Variants in ADAMTS12 observed in about 807,000 individuals in gnomAD.
ADAMTS12 encodes ADAM metallopeptidase with thrombospondin type 1 motif 12, also known as A disintegrin and metalloproteinase with thrombospondin motifs 12.
ADAMTS12 carries 118 observed loss-of-function variants against 167.8 expected under a neutral mutation model. The ratio of observed to expected loss-of-function variants is 0.70; its 90% CI spans 0.61 to 0.82. The LOEUF is 0.82. Ranked by LOEUF, ADAMTS12 falls within the 40% of genes least tolerant of loss-of-function variation. The pLI is 0.00. For synonymous variants in ADAMTS12, 704 were observed against 716.9 expected, an observed-to-expected ratio of 0.98 and a Z score of 0.29; for missense variants, 1,916 against 1,998.8, an observed-to-expected ratio of 0.96 and a Z score of 0.79.
chr5:33,711,933 T>A (rs143719562), intron 3 of ADAMTS12, among the ~76,000 whole-genome samples: 1 of 152,296 alleles, frequency 6.6e-6, no homozygotes, highest in African/African-American at 2.4e-5. Context: ...AGTATTTCCA[T>A]ATTTTCTGAG....
chr5:33,787,311 G>A (rs1746366654), intron 2 of ADAMTS12, among the ~76,000 whole-genome samples: 1 of 152,232 alleles, frequency 6.6e-6, no homozygotes, highest in South Asian at 2.1e-4. Flanking sequence ...CAGGTTTGTA[G>A]ATGGGAGAAC....
rs138011520 is a variant in ADAMTS12, at chr5:33,821,062, A to G, written c.489+60057T>C. Among the ~76,000 whole-genome samples the G allele has an allele frequency of 7.1e-3, 1,083 of 152,294 alleles. 12 individuals carry two copies. Among genetic ancestry groups the G allele is most frequent in the African/African-American group, 0.025 (1,045 of 41,564 alleles). ...TGGGTCGTGAAATAATTTGTACAAC[A>G]AACCTTCATGACACAAGTCTACCTG... On this transcript the variant is annotated intron_variant, in intron 2 of 23. Coordinates refer to ENST00000504830, the MANE Select transcript of ADAMTS12 (RefSeq NM_030955.4).
chr5:33,541,867 C>T (rs916097101), intron 22 of ADAMTS12, among the ~76,000 whole-genome samples: 3 of 152,136 alleles, frequency 2.0e-5, no homozygotes, highest in African/African-American at 7.2e-5. Context: ...ACAACCGGTA[C>T]CAGCCACTGC....
rs1579780434 is a variant in ADAMTS12, at chr5:33,634,635, T to A, written c.1888+2942A>T. Among the ~76,000 whole-genome samples, 3 of 152,266 alleles carry A rather than the reference T, an allele frequency of 2.0e-5. No individual in the cohort carries two copies. The East Asian group carries it at 5.8e-4, about 29-fold the overall frequency. The stretch of plus-strand genomic sequence containing the variant: ...CCCAAAATCAGTCATTACCAAGAGT[T>A]TGAAACCTTTGGCTAGTCTAAAATG... On this transcript the variant is annotated intron_variant, in intron 12 of 23. Coordinates refer to ENST00000504830, the MANE Select transcript of ADAMTS12 (RefSeq NM_030955.4).
intron 2 of ADAMTS12, among the ~76,000 whole-genome samples, chr5:33,806,109 T>C (rs1030429116): frequency 6.6e-6 from 1 of 152,238 alleles, no homozygotes; most frequent in African/African-American, 2.4e-5. Context: ...TATTCTTCCA[T>C]CTACTAGCTA....
chr5:33,666,265 G>A (rs1408496552), intron 5 of ADAMTS12, among the ~76,000 whole-genome samples: 1 of 152,196 alleles, frequency 6.6e-6, no homozygotes, highest in African/African-American at 2.4e-5. Context: ...ACCACCTGCC[G>A]ACATCATGTG....
intron 1 of ADAMTS12, chr5:33,891,431 G>C (rs1750847989): frequency 5.7e-6 from 2 of 351,324 alleles, no homozygotes; most frequent in East Asian, 9.7e-5. Context: ...AGCATTCAAA[G>C]AGGAGACAAA....
intron 3 of ADAMTS12, among the ~76,000 whole-genome samples, chr5:33,729,674 C>T (rs1031422151): frequency 3.3e-5 from 5 of 152,152 alleles, no homozygotes; most frequent in Non-Finnish European, 7.3e-5. Flanking sequence ...TGGGATGGTA[C>T]TCTGAAGGGT....
At chr5:33,754,998 A>C (rs1199274761) in intron 2 of ADAMTS12, among the ~76,000 whole-genome samples, 1 of 152,222 alleles carries the variant, frequency 6.6e-6, no homozygotes, top group African/African-American at 2.4e-5. Flanking sequence ...AAATCCTCAT[A>C]AATGTTTTAT....
chr5:33,671,103 C>T (rs560246042), intron 5 of ADAMTS12, among the ~76,000 whole-genome samples: 16 of 152,130 alleles, frequency 1.1e-4, no homozygotes, highest in African/African-American at 3.9e-4. Flanking sequence ...CTTGAAATGA[C>T]AAAAATCATA....
At chr5:33,701,249 C>G (rs775751443) in intron 3 of ADAMTS12, among the ~76,000 whole-genome samples, 60 of 152,186 alleles carry the variant, frequency 3.9e-4, no homozygotes, top group Admixed American at 8.5e-4. Context: ...TTCTACTCCC[C>G]AACATCTGAG....
At chr5:33,529,288 G>A (rs914947063) in intron 23 of ADAMTS12, among the ~76,000 whole-genome samples, 1 of 152,182 alleles carries the variant, frequency 6.6e-6, no homozygotes, top group African/African-American at 2.4e-5. Context: ...ACATGAGTCA[G>A]GGAACGAGAG....
chr5:33,756,007 A>AGT (rs1745156015), intron 2 of ADAMTS12, among the ~76,000 whole-genome samples: 1 of 152,214 alleles, frequency 6.6e-6, no homozygotes, highest in Non-Finnish European at 1.5e-5. Context: ...AATTCCTCTT[A>AGT]CAAAGTATCA....
chr5:33,660,732 AC>A (rs1741228325), intron 6 of ADAMTS12, among the ~76,000 whole-genome samples: 1 of 152,080 alleles, frequency 6.6e-6, no homozygotes, highest in Admixed American at 6.6e-5. Context: ...TACATTCCAC[AC>A]CCATGCTATT....
Position 33,704,265 on chromosome 5 carries a change from C to T in ADAMTS12, c.635-20210G>A, listed in dbSNP as rs909928039. On this transcript the variant is annotated intron_variant, in intron 3 of 23. Transcript: ENST00000504830. The stretch of plus-strand genomic sequence containing the variant: ...TTCATCTATTGATGGAAATTCAGAT[C>T]GCTTCCGTATCTTGGCTATTGTGAA... 7.2e-5 allele frequency among the ~76,000 whole-genome samples: 11 copies of T among 152,108 alleles called. No homozygotes were observed. In the East Asian group the frequency reaches 1.3e-3, roughly 19 times the overall value.
At chr5:33,844,960 C>T (rs1471408931) in intron 2 of ADAMTS12, among the ~76,000 whole-genome samples, 3 of 152,156 alleles carry the variant, frequency 2.0e-5, no homozygotes, top group Admixed American at 2.0e-4. Flanking sequence ...CCGATAATTT[C>T]TGAAATTTTT....
At chr5:33,806,858 C>T (rs1055635361) in intron 2 of ADAMTS12, among the ~76,000 whole-genome samples, 2 of 152,184 alleles carry the variant, frequency 1.3e-5, no homozygotes, top group African/African-American at 4.8e-5. Context: ...CATCCAGCTG[C>T]CATCATCCCC....
intron 1 of ADAMTS12, among the ~76,000 whole-genome samples, chr5:33,883,445 A>G (rs970209171): frequency 4.0e-5 from 6 of 150,206 alleles, no homozygotes; most frequent in Non-Finnish European, 8.8e-5. Flanking sequence ...ACTCTCAGGT[A>G]CTAACAAATG....
intron 2 of ADAMTS12, among the ~76,000 whole-genome samples, chr5:33,851,923 C>T (rs1749233838): frequency 6.6e-6 from 1 of 152,236 alleles, no homozygotes; most frequent in Non-Finnish European, 1.5e-5. Context: ...CACACCATAG[C>T]CTGCTTATCA....
Sources: allele counts gnomAD v4.1 joint callset (sites outside exome capture counted in the v4.1 genomes callset), GRCh38; gene constraint gnomAD v4.1.1; transcripts MANE v1.5; gene names NCBI Gene and HGNC (gene_info 2026-07-23, HGNC 2026-07-21).